Variants in B4GALT1 observed in about 807,000 individuals in gnomAD.
B4GALT1 encodes the protein beta-1,4-galactosyltransferase 1.
A neutral mutation model predicts 34.9 loss-of-function variants in B4GALT1; 16 were observed. The observed-to-expected ratio is 0.46, with a 90% confidence interval of 0.31 to 0.70. The LOEUF is 0.70. Among genes scored for constraint, B4GALT1 ranks in the 30% least tolerant of loss-of-function variants. The pLI, the probability that B4GALT1 is intolerant of heterozygous loss-of-function variation, is 0.05. For synonymous variants in B4GALT1, 221 were observed against 218.1 expected, an observed-to-expected ratio of 1.01 and a Z score of -0.12; for missense variants, 445 against 530.5, an observed-to-expected ratio of 0.84 and a Z score of 1.58.
At position 33,167,160 on chromosome 9, in the gene B4GALT1, G is replaced by A. The variant is rs778765256; in HGVS notation, c.10C>T (p.Arg4Trp). 1.5e-5 allele frequency: 24 copies of A among 1,598,804 alleles called. No individual in the cohort carries two copies. The highest frequency in any genetic ancestry group is 4.5e-5 in the East Asian group (2 of 44,388). Reference sequence around the variant, plus strand: ...GCGCTGCCGCTCAGGAGCGGCTCCCGAAGCCTCATCTTCCCGCCGCCGCTT... The same window carrying A: ...GCGCTGCCGCTCAGGAGCGGCTCCCAAAGCCTCATCTTCCCGCCGCCGCTT... MRL[R>W]EPLLSGSAAM... is the part of the protein sequence containing the mutation. The change falls in exon 1 of 6, where the codon CGG becomes TGG. Residue 4 changes from arginine to tryptophan, a missense_variant. Arg to Trp is a moderately radical substitution (Grantham distance 101, BLOSUM62 -3). Coordinates refer to ENST00000379731, the MANE Select transcript of B4GALT1 (RefSeq NM_001497.4).
At chr9:33,165,583 G>T (rs1840738578) in intron 1 of B4GALT1, among the ~76,000 whole-genome samples, 1 of 152,200 alleles carries the variant, frequency 6.6e-6, no homozygotes, top group Non-Finnish European at 1.5e-5. Flanking sequence ...CGCAATTACT[G>T]GCGAAATTGA....
chr9:33,107,711 G>T (rs891774206), downstream of B4GALT1, among the ~76,000 whole-genome samples: 1 of 152,138 alleles, frequency 6.6e-6, no homozygotes, highest in Non-Finnish European at 1.5e-5. Context: ...AGCATTTCTT[G>T]AGGAAATGGC....
upstream of B4GALT1, among the ~76,000 whole-genome samples, chr9:33,169,652 C>T (rs573591847): frequency 6.6e-6 from 1 of 151,860 alleles, no homozygotes; most frequent in African/African-American, 2.4e-5. Context: ...TCTTGAGTAG[C>T]TGGGATTACA....
Position 33,120,403 on chromosome 9 carries a change from A to C in B4GALT1, c.836+16T>G, listed in dbSNP as rs759260956. On this transcript the variant is annotated intron_variant, in intron 3 of 5. Transcript: ENST00000379731. ...AGAGACATGTTTACCACAGATTCTGACTGAGTATCTCTTACCTGAATCCAA... is the reference window on the plus strand; with the variant it reads ...AGAGACATGTTTACCACAGATTCTGCCTGAGTATCTCTTACCTGAATCCAA... 6.2e-7 allele frequency: 1 copy of C among 1,612,164 alleles called. No individual in the cohort carries two copies. The highest frequency in any genetic ancestry group is 8.5e-7 in the Non-Finnish European group (1 of 1,179,740).
intron 1 of B4GALT1, among the ~76,000 whole-genome samples, chr9:33,147,867 C>G (rs993957980): frequency 2.6e-5 from 4 of 151,522 alleles, no homozygotes; most frequent in African/African-American, 4.8e-5. Context: ...ACTTCCATCT[C>G]TAAAAAATAA....
chr9:33,159,929 G>C (rs1327692829), intron 1 of B4GALT1, among the ~76,000 whole-genome samples: 1 of 152,208 alleles, frequency 6.6e-6, no homozygotes, highest in African/African-American at 2.4e-5. Context: ...CACCCCCACC[G>C]ATTCTGTTCA....
intron 1 of B4GALT1, among the ~76,000 whole-genome samples, chr9:33,140,753 C>T (rs114228144): frequency 0.012 from 1,766 of 152,358 alleles, 29 homozygotes; most frequent in African/African-American, 0.039. Context: ...GGATGGGCCG[C>T]TTCTCTCTGT....
At chr9:33,163,767 GCATGGCC>G (rs1175361375) in intron 1 of B4GALT1, among the ~76,000 whole-genome samples, 1 of 152,220 alleles carries the variant, frequency 6.6e-6, no homozygotes, top group Non-Finnish European at 1.5e-5. Context: ...AGTGGATGCC[GCATGGCC>G]CCGCTGAGGA....
chr9:33,138,757 T>C (rs1036756083), intron 1 of B4GALT1, among the ~76,000 whole-genome samples: 3 of 152,084 alleles, frequency 2.0e-5, no homozygotes, highest in Non-Finnish European at 2.9e-5. Flanking sequence ...TGGCTAGCCA[T>C]ATGTCATGGG....
downstream of B4GALT1, among the ~76,000 whole-genome samples, chr9:33,109,740 T>C (rs1839832756): frequency 6.6e-6 from 1 of 152,340 alleles, no homozygotes; most frequent in East Asian, 1.9e-4. Context: ...GTGGGATCCG[T>C]TGCTATCTCC....
At chr9:33,176,459 G>C in the B4GALT1 span, among the ~76,000 whole-genome samples, 1 of 152,108 alleles carries the variant, frequency 6.6e-6, no homozygotes, top group African/African-American at 2.4e-5. Flanking sequence ...AAGCACTTTA[G>C]TCTACATGAG....
chr9:33,184,454 C>G, the B4GALT1 span, among the ~76,000 whole-genome samples: 1 of 152,184 alleles, frequency 6.6e-6, no homozygotes, highest in Non-Finnish European at 1.5e-5. Flanking sequence ...TTGATAAGCT[C>G]TGTCGCCTGC....
At chr9:33,147,161 C>T (rs1420874892) in intron 1 of B4GALT1, among the ~76,000 whole-genome samples, 2 of 152,136 alleles carry the variant, frequency 1.3e-5, no homozygotes, top group African/African-American at 4.8e-5. Flanking sequence ...TCCTAACACA[C>T]ACTAGGCCTA....
At chr9:33,116,521 C>CTTTT (rs577170197) in intron 3 of B4GALT1, among the ~76,000 whole-genome samples, 1,222 of 107,242 alleles carry the variant, frequency 0.011, 58 homozygotes, top group Non-Finnish European at 0.015. Context: ...CAAACCGGAT[C>CTTTT]TTTTTTTTTT....
chr9:33,127,149 G>C (rs1840124014), intron 2 of B4GALT1, among the ~76,000 whole-genome samples: 1 of 152,096 alleles, frequency 6.6e-6, no homozygotes, highest in Admixed American at 6.6e-5. Flanking sequence ...ATTTTTAGTA[G>C]AGACGGGGTT....
chr9:33,108,052 A>G (rs1839812674), downstream of B4GALT1, among the ~76,000 whole-genome samples: 1 of 152,232 alleles, frequency 6.6e-6, no homozygotes, highest in Non-Finnish European at 1.5e-5. Flanking sequence ...GGCAGTCTGT[A>G]TATGTCAACA....
intron 3 of B4GALT1, among the ~76,000 whole-genome samples, chr9:33,118,299 C>T (rs1839969271): frequency 6.6e-6 from 1 of 152,170 alleles, no homozygotes; most frequent in Admixed American, 6.5e-5. Context: ...ATTCCCATCA[C>T]AGCTCTCATG....
the B4GALT1 span, among the ~76,000 whole-genome samples, chr9:33,175,011 ATATATATAT>A: frequency 3.9e-4 from 31 of 78,546 alleles, 7 homozygotes; most frequent in South Asian, 1.4e-3. Flanking sequence ...ATATATATAT[ATATATATAT>A]AAAATTGGAG....
chr9:33,131,631 C>A (rs1308585374), intron 2 of B4GALT1, among the ~76,000 whole-genome samples: 1 of 152,108 alleles, frequency 6.6e-6, no homozygotes, highest in African/African-American at 2.4e-5. Flanking sequence ...AATGAAAAGT[C>A]AAAATGACAG....
Sources: gnomAD v4.1 joint callset for allele counts (sites outside exome capture counted in the v4.1 genomes callset) on GRCh38, gnomAD v4.1.1 for gene constraint, MANE v1.5 for transcripts, NCBI Gene and HGNC (gene_info 2026-07-23, HGNC 2026-07-21) for gene names.